DNAH5: variants seen among roughly 807,000 people sequenced by gnomAD.
DNAH5 encodes the protein axonemal beta dynein heavy chain 5.
DNAH5 carries 372 observed loss-of-function variants against 518.2 expected under a neutral mutation model. The observed-to-expected ratio is 0.72, with a 90% CI of 0.66 to 0.78. The LOEUF is 0.78. Among genes scored for constraint, DNAH5 ranks in the 30% least tolerant of loss-of-function variants. The probability of loss-of-function intolerance (pLI) is 0.00; values close to 1 mark genes in which losing one functional copy is unlikely to be tolerated. For missense variants in DNAH5, 5,523 were observed against 5,687.0 expected, an observed-to-expected ratio of 0.97 and a Z score of 0.93; for synonymous variants, 2,039 against 2,025.9, an observed-to-expected ratio of 1.01 and a Z score of -0.17.
rs140130296 is a variant in DNAH5 at position 13,824,221 on chromosome 5, C to T, written c.6557G>A (p.Arg2186Gln). 4.8e-5 allele frequency: 77 copies of T among 1,614,024 alleles called. No individual in the cohort carries two copies. The highest frequency in any genetic ancestry group is 6.0e-5 in the Non-Finnish European group (71 of 1,179,968). Residue 2186 changes from arginine to glutamine, a missense_variant, in exon 39 of 79, where the codon CGG (arginine) becomes CAG (glutamine). Arg to Gln is a conservative substitution (Grantham distance 43). This residue lies in a region of DNAH5 where 5,121 missense variants were observed against 5,223.3 expected (regional missense o/e 0.98). Coordinates refer to ENST00000265104, the MANE Select transcript of DNAH5 (RefSeq NM_001369.3). The part of the protein sequence containing the change: ...TESTIVMRVL[R>Q]DMNLSKLIDE... Reference sequence around the variant, plus strand: ...TACCAGTTTAGAAAGATTCATGTCCCGTAGTACACGCATGACAATCGTGGA... The same window carrying T: ...TACCAGTTTAGAAAGATTCATGTCCTGTAGTACACGCATGACAATCGTGGA...
intron 1 of DNAH5, among the ~76,000 whole-genome samples, chr5:13,992,563 C>A (rs929853358): frequency 6.6e-6 from 1 of 152,182 alleles, no homozygotes; most frequent in Non-Finnish European, 1.5e-5. Context: ...GTGCCAGTGG[C>A]CTAAAAACCT....
intron 1 of DNAH5, among the ~76,000 whole-genome samples, chr5:13,966,227 G>A (rs200862316): frequency 3.6e-5 from 5 of 139,898 alleles, no homozygotes; most frequent in Admixed American, 7.3e-5. Context: ...GTGTATGTGT[G>A]TATATATATC....
intron 12 of DNAH5, among the ~76,000 whole-genome samples, chr5:13,902,362 G>A (rs991832593): frequency 4.6e-5 from 7 of 152,162 alleles, no homozygotes; most frequent in East Asian, 1.9e-4. Context: ...CAGGTTCCAC[G>A]GGTACTGGGC....
In DNAH5 at chr5:13,891,060, A is replaced by C. The variant is rs1402002926; in HGVS notation, c.2493T>G (p.Ile831Met). The change falls in exon 17 of 79, where the codon ATT becomes ATG. Residue 831 changes from isoleucine to methionine, a missense_variant. Physicochemically the swap from Ile to Met is conservative, Grantham distance 10. Coordinates refer to ENST00000265104, the MANE Select transcript of DNAH5 (RefSeq NM_001369.3). The part of the protein sequence containing the change: ...NDLIEFRIDA[I>M]LEEMSSTPLC... ...GAGGCGTGCTGCTCATTTCTTCTAG[A>C]ATGGCATCAATGCGGAACTCAATCA... 1 of 1,614,184 alleles carries C rather than the reference A, an allele frequency of 6.2e-7. No individual in the cohort carries two copies. The highest frequency in any genetic ancestry group is 1.6e-4 in the Middle Eastern group (1 of 6,062).
At chr5:13,971,425 G>A (rs970901795) in intron 1 of DNAH5, among the ~76,000 whole-genome samples, 3 of 152,268 alleles carry the variant, frequency 2.0e-5, no homozygotes, top group African/African-American at 7.2e-5. Flanking sequence ...AAGATCTGGG[G>A]CTCAAGGGCT....
At chr5:13,726,261 T>A (rs994919464) in intron 70 of DNAH5, among the ~76,000 whole-genome samples, 9 of 152,176 alleles carry the variant, frequency 5.9e-5, no homozygotes, top group Non-Finnish European at 1.2e-4. Flanking sequence ...ACCTGGGCAC[T>A]ATAAGGGCCA....
intron 75 of DNAH5, among the ~76,000 whole-genome samples, chr5:13,711,669 G>A (rs2652783): frequency 2.0e-5 from 3 of 151,980 alleles, no homozygotes; most frequent in African/African-American, 7.3e-5. Flanking sequence ...AATCAGCAAA[G>A]TTTCTAGATA....
At chr5:13,955,519 T>C (rs975421903) in intron 1 of DNAH5, among the ~76,000 whole-genome samples, 5 of 151,940 alleles carry the variant, frequency 3.3e-5, no homozygotes, top group African/African-American at 1.2e-4. Context: ...GAAACAAAAA[T>C]TGGAGGGGTT....
chr5:13,890,889 A>T, intron 17 of DNAH5, 87 bp downstream of exon 17: 2 of 1,491,232 alleles, frequency 1.3e-6, no homozygotes, highest in Non-Finnish European at 1.9e-6. Context: ...AGAGAAAAAA[A>T]TCTAACTTAT....
In DNAH5 at chr5:13,753,310, G is replaced by A. The variant is rs202232031; in HGVS notation, c.10795C>T (p.Arg3599Cys). ...TGTGGATCAATTAACAAAGGGTAACGAGATGCCTTCGTGACAATAATTCCA... is the reference window on the plus strand; with the variant it reads ...TGTGGATCAATTAACAAAGGGTAACAAGATGCCTTCGTGACAATAATTCCA... ...QNGIIVTKAS[R>C]YPLLIDPQTQ... The change falls in exon 63 of 79, where the codon CGT becomes TGT. Residue 3599 changes from arginine (R) to cysteine (C), a missense_variant. Coordinates refer to ENST00000265104, the MANE Select transcript of DNAH5 (RefSeq NM_001369.3). 1.1e-5 allele frequency: 18 copies of A among 1,613,726 alleles called. No homozygotes were observed. The highest frequency in any genetic ancestry group is 1.6e-4 in the Middle Eastern group (1 of 6,082).
intron 1 of DNAH5, among the ~76,000 whole-genome samples, chr5:13,960,111 C>CAAAAA (rs78100175): frequency 2.9e-5 from 4 of 139,786 alleles, no homozygotes; most frequent in African/African-American, 1.0e-4. Flanking sequence ...CTTTTATCTT[C>CAAAAA]AAAAAAAAAA....
intron 19 of DNAH5, among the ~76,000 whole-genome samples, chr5:13,883,539 G>C (rs892495221): frequency 1.2e-4 from 19 of 152,118 alleles, no homozygotes; most frequent in Non-Finnish European, 5.9e-5. Context: ...TCCTACCATG[G>C]TGTGTAAAAT....
intron 8 of DNAH5, 70 bp downstream of exon 8, chr5:13,917,073 T>C (rs1776721430): frequency 8.2e-7 from 1 of 1,216,900 alleles, no homozygotes; most frequent in Non-Finnish European, 1.2e-6. Flanking sequence ...TGAAACAAAA[T>C]TCAATATTCA....
At chr5:13,882,157 A>T (rs1002835053) in intron 21 of DNAH5, among the ~76,000 whole-genome samples, 1 of 152,114 alleles carries the variant, frequency 6.6e-6, no homozygotes, top group African/African-American at 2.4e-5. Flanking sequence ...AAGAAGATCA[A>T]ATCAGTAATT....
chr5:13,754,069 G>A (rs551214187), intron 62 of DNAH5, 134 bp downstream of exon 62: 162 of 1,023,764 alleles, frequency 1.6e-4, no homozygotes, highest in African/African-American at 1.1e-3. Flanking sequence ...GGGTACATGC[G>A]CACAATGTGC....
chr5:13,751,775 G>C (rs1228005290), intron 64 of DNAH5, among the ~76,000 whole-genome samples: 1 of 152,096 alleles, frequency 6.6e-6, no homozygotes, highest in Non-Finnish European at 1.5e-5. Context: ...ATACATAGGT[G>C]TGGACAGGGG....
chr5:13,807,870 G>A lies in DNAH5; in HGVS notation c.7753-145C>T, dbSNP rs556435031. ...ATTTGGAGATAAGGTCTTTAAAGAG[G>A]TGACTAAGGTAAAATAAAGCTGTTG... is the stretch of plus-strand genomic sequence containing the variant. On this transcript the variant is annotated intron_variant, in intron 46 of 78. Transcript: ENST00000265104. 16 of 722,398 alleles carry A rather than the reference G, an allele frequency of 2.2e-5. No individual in the cohort carries two copies. The African/African-American group carries it at 2.3e-4, about 10-fold the overall frequency. 44.7% of individuals were successfully genotyped at this position (722,398 alleles called of 1,614,324 possible).
intron 55 of DNAH5, among the ~76,000 whole-genome samples, chr5:13,776,007 TA>T (rs148667519): frequency 0.014 from 2,041 of 150,412 alleles, 14 homozygotes; most frequent in South Asian, 0.025. Context: ...GTACGCTCTC[TA>T]ACCTCTCCTC....
chr5:13,864,660 A>C, intron 27 of DNAH5, 23 bp from the exon 28 acceptor site: 1 of 1,614,002 alleles, frequency 6.2e-7, no homozygotes, highest in Non-Finnish European at 8.5e-7. Context: ...ACCAACATGA[A>C]AGGCCATTGA....
Sources: allele counts gnomAD v4.1 joint callset (sites outside exome capture counted in the v4.1 genomes callset), GRCh38; gene constraint gnomAD v4.1.1; regional missense constraint gnomAD v4.1.1; transcripts MANE v1.5; gene names NCBI Gene and HGNC (gene_info 2026-07-23, HGNC 2026-07-21).